Variants in MAX observed in about 807,000 individuals in gnomAD.
MAX encodes the protein protein max.
MAX carries 3 observed loss-of-function variants against 22.3 expected under a neutral mutation model. The observed-to-expected ratio is 0.13, with a 90% confidence interval of 0.06 to 0.35. The LOEUF (loss-of-function observed/expected upper bound fraction) is 0.35, where lower values mean the gene tolerates loss of function less well. Among genes scored for constraint, MAX ranks in the 10% least tolerant of loss-of-function variants. MAX has a pLI of 1.00. For synonymous variants in MAX, 72 were observed against 77.7 expected (o/e 0.93, Z 0.39); for missense variants, 119 against 209.4 (o/e 0.57, Z 2.66).
At position 65,102,344 on chromosome 14, in the gene MAX, T is replaced by C. The variant is rs1485205157; in HGVS notation, c.-5A>G. ...GATGTCATCGTTATCGCTCATTTCC[T>C]ACGGCCCAGGGAGCGGCCACTGCAG... On this transcript the variant is annotated 5_prime_UTR_variant, in exon 1 of 5. Transcript: ENST00000358664. 1.2e-6 allele frequency: 2 copies of C among 1,613,508 alleles called. No individual in the cohort carries two copies. The highest frequency in any genetic ancestry group is 1.7e-5 in the Admixed American group (1 of 59,980).
Position 65,027,826 on chromosome 14 carries a change from G to A in MAX, c.172-21542C>T. 1 of 1,611,726 alleles carries A rather than the reference G, an allele frequency of 6.2e-7. No homozygotes were observed. The highest frequency in any genetic ancestry group is 8.5e-7 in the Non-Finnish European group (1 of 1,178,572). On this transcript the variant is annotated intron_variant, in intron 3 of 3. Coordinates refer to the MAX transcript ENST00000341653. The surrounding 1 kb of genome is among the most constrained non-coding windows in gnomAD (Gnocchi z 5.7). ...GGCTGCCACATCAGTTGACTCTAGA[G>A]CTCATCTGCCATTAGAGATGCCAAG...
intron 3 of MAX, among the ~76,000 whole-genome samples, chr14:65,053,695 AAC>A (rs1595097865): frequency 6.6e-6 from 1 of 152,198 alleles, no homozygotes; most frequent in South Asian, 2.1e-4. Context: ...CAGTGTTGTA[AAC>A]AGAGACTGTA....
In MAX at chr14:65,030,911, G is replaced by T. The variant is rs1373751133; in HGVS notation, c.172-24627C>A. 1.3e-5 allele frequency among the ~76,000 whole-genome samples: 2 copies of T among 152,126 alleles called. No homozygotes were observed. The highest frequency in any genetic ancestry group is 4.8e-5 in the African/African-American group (2 of 41,444). ...CAACCTCTGTCTCTGGGGTTCAAAC[G>T]ATTCTCCTGCCTCGGTCTCCCAAGT... On this transcript the variant is annotated intron_variant, in intron 3 of 3. Coordinates refer to the MAX transcript ENST00000341653. The surrounding 1 kb of genome is among the most constrained non-coding windows in gnomAD (Gnocchi z 4.5).
chr14:65,053,217 T>G (rs1249519470), intron 3 of MAX: 4 of 1,359,162 alleles, frequency 2.9e-6, no homozygotes, highest in Non-Finnish European at 1.9e-6. Flanking sequence ...GGGCCCTTAC[T>G]GACCCTTTGC....
At position 65,054,841 on chromosome 14, in the gene MAX, G is replaced by A. The variant is rs933416699; in HGVS notation, c.171+38867C>T. 33 of 862,194 alleles carry A rather than the reference G, an allele frequency of 3.8e-5. No individual in the cohort carries two copies. The highest frequency in any genetic ancestry group is 5.6e-5 in the Non-Finnish European group (32 of 566,600). The allele number at this position is 862,194 out of a possible 1,614,324, so 53.4% of individuals were successfully genotyped here. A position where few individuals can be genotyped will look rare whatever the true frequency, so the allele number is the denominator to read the frequency against. On this transcript the variant is annotated intron_variant, in intron 3 of 3. Coordinates refer to the MAX transcript ENST00000341653. This position sits in a 1 kb window ranked among gnomAD's most constrained non-coding sequence, Gnocchi z 4.4. ...CTTCGAGCTGTGCAGCCGTTAGTGAGGATGTGACCACAGAGGAGACGCACC... is the reference window on the plus strand; with the variant it reads ...CTTCGAGCTGTGCAGCCGTTAGTGAAGATGTGACCACAGAGGAGACGCACC...
rs1046136666 is a variant in MAX, at chr14:65,023,738, T to G, written c.172-17454A>C. Among the ~76,000 whole-genome samples the G allele has an allele frequency of 7.9e-5, 12 of 152,186 alleles. No individual in the cohort carries two copies. Among genetic ancestry groups the G allele is most frequent in the African/African-American group, 2.7e-4 (11 of 41,438 alleles). ...GGCTGCCTATTGGACAGCACAGATG[T>G]ATCTCATTGCTACTCAAAATGTGGT... On this transcript the variant is annotated intron_variant, in intron 3 of 3. Coordinates refer to the MAX transcript ENST00000341653. This position sits in a 1 kb window ranked among gnomAD's most constrained non-coding sequence, Gnocchi z 4.1.
rs2063085235 is a variant in MAX at position 65,077,305 on chromosome 14, T to C, written c.295+608A>G. 1 of 1,376,344 alleles carries C rather than the reference T, an allele frequency of 7.3e-7. No homozygotes were observed. The highest frequency in any genetic ancestry group is 1.0e-6 in the Non-Finnish European group (1 of 974,264). The allele number at this position is 1,376,344 out of a possible 1,614,324, so 85.3% of individuals were successfully genotyped here. ...TCAACCCATTTAATTTATTTTATTT[T>C]ATTTTATTTGAGGTTTTCTAACCCA... On this transcript the variant is annotated intron_variant, in intron 4 of 4. Coordinates refer to ENST00000358664, the MANE Select transcript of MAX (RefSeq NM_002382.5). This position sits in a 1 kb window ranked among gnomAD's most constrained non-coding sequence, Gnocchi z 6.3.
chr14:65,041,040 C>T lies in MAX; in HGVS notation c.172-34756G>A. Reference sequence around the variant, plus strand: ...AAGGGCTAAGAGAGTTAGCTCTGTTCCAACACAGAGGAAGGAGTGAGCAGC... The same window carrying T: ...AAGGGCTAAGAGAGTTAGCTCTGTTTCAACACAGAGGAAGGAGTGAGCAGC... On this transcript the variant is annotated intron_variant, in intron 3 of 3. Coordinates refer to the MAX transcript ENST00000341653. The T allele has an allele frequency of 6.2e-6, 9 of 1,455,262 alleles. 1 individual carries two copies. The South Asian group carries it at 1.1e-4, about 18-fold the overall frequency. 90.1% of individuals were successfully genotyped at this position (1,455,262 alleles called of 1,614,324 possible).
At chr14:65,022,525 A>G (rs1003499227) in intron 3 of MAX, among the ~76,000 whole-genome samples, 1 of 152,088 alleles carries the variant, frequency 6.6e-6, no homozygotes, top group African/African-American at 2.4e-5. Flanking sequence ...CTGTAATATT[A>G]AGCTTTTTAT....
At chr14:65,081,282 A>C (rs917232430) in intron 3 of MAX, among the ~76,000 whole-genome samples, 1 of 152,176 alleles carries the variant, frequency 6.6e-6, no homozygotes, top group Non-Finnish European at 1.5e-5. Flanking sequence ...GCCCAACAAG[A>C]AAAAAATTTA....
At chr14:65,081,415 C>T (rs1334010068) in intron 3 of MAX, among the ~76,000 whole-genome samples, 10 of 152,184 alleles carry the variant, frequency 6.6e-5, no homozygotes. Context: ...CTTTCCACTC[C>T]ATACAAGATC....
At chr14:65,083,621 A>T in intron 3 of MAX, 1 of 585,876 alleles carries the variant, frequency 1.7e-6, no homozygotes. Flanking sequence ...TCTTAACTCT[A>T]CTGAACACTT....
At chr14:65,066,477 G>A (rs1013352683) in intron 3 of MAX, among the ~76,000 whole-genome samples, 23 of 152,192 alleles carry the variant, frequency 1.5e-4, no homozygotes, top group Non-Finnish European at 1.2e-4. Flanking sequence ...GGGACAGGGC[G>A]CTCATCATTA....
intron 2 of MAX, among the ~76,000 whole-genome samples, chr14:65,100,797 G>T (rs1124752): frequency 0.48 from 73,520 of 152,040 alleles, 20,373 homozygotes; most frequent in African/African-American, 0.77. Context: ...AGACTCCAAA[G>T]ACATGGAATT....
At chr14:65,101,642 G>A (rs751434336) in intron 1 of MAX, 70 bp from the exon 2 acceptor site, 9 of 1,209,922 alleles carry the variant, frequency 7.4e-6, no homozygotes, top group South Asian at 6.7e-5. Context: ...TCAATAATAA[G>A]AAAGAAAATG....
At chr14:65,066,005 C>T (rs1244559760) in intron 3 of MAX, among the ~76,000 whole-genome samples, 1 of 152,226 alleles carries the variant, frequency 6.6e-6, no homozygotes, top group East Asian at 1.9e-4. Flanking sequence ...AGCCCATGCC[C>T]TTCCACCACC....
chr14:65,053,303 A>G, intron 3 of MAX: 1 of 1,460,824 alleles, frequency 6.8e-7, no homozygotes, highest in Non-Finnish European at 9.1e-7. Flanking sequence ...GTACATCCTG[A>G]TGTGCTGCCA....
At chr14:65,015,291 CAG>C (rs1282519210) in intron 3 of MAX, among the ~76,000 whole-genome samples, 6 of 151,796 alleles carry the variant, frequency 4.0e-5, no homozygotes, top group Admixed American at 3.3e-4. Context: ...TTAATAGAGA[CAG>C]GGTTTCGCCA....
Position 65,077,140 on chromosome 14 carries a change from T to C in MAX, c.296-477A>G, listed in dbSNP as rs1299951880. ...CCACTTGGAATGACAAGCTGGACAC[T>C]TGGAAGCAAGTCACCAATACACATA... On this transcript the variant is annotated intron_variant, in intron 4 of 4. Coordinates refer to ENST00000358664, the MANE Select transcript of MAX (RefSeq NM_002382.5). This position sits in a 1 kb window ranked among gnomAD's most constrained non-coding sequence, Gnocchi z 6.3. 1.7e-6 allele frequency: 1 copy of C among 604,974 alleles called. No homozygotes were observed. 37.5% of individuals were successfully genotyped at this position (604,974 alleles called of 1,614,324 possible). A position where few individuals can be genotyped will look rare whatever the true frequency, so the allele number is the denominator to read the frequency against.
Sources: allele counts gnomAD v4.1 joint callset (sites outside exome capture counted in the v4.1 genomes callset), GRCh38; gene constraint gnomAD v4.1.1; non-coding constraint Gnocchi (gnomAD v3.1); transcripts MANE v1.5; gene names NCBI Gene and HGNC (gene_info 2026-07-23, HGNC 2026-07-21).